Variants in SMAP2 observed in about 807,000 individuals in gnomAD.
SMAP2 encodes stromal membrane-associated protein 2.
SMAP2 carries 25 observed loss-of-function variants against 56.4 expected under a neutral mutation model. The observed-to-expected ratio is 0.44, with a 90% confidence interval of 0.32 to 0.62. SMAP2 has a LOEUF of 0.62. SMAP2 is among the 20% of genes least tolerant of loss of function. The probability of loss-of-function intolerance (pLI) is 0.04; values close to 1 mark genes in which losing one functional copy is unlikely to be tolerated. For synonymous variants in SMAP2, 157 were observed against 181.7 expected (o/e 0.86, Z 1.09); for missense variants, 388 against 545.6 (o/e 0.71, Z 2.88).
At chr1:40,402,386 T>C (rs1331060302) in intron 1 of SMAP2, among the ~76,000 whole-genome samples, 1 of 152,234 alleles carries the variant, frequency 6.6e-6, no homozygotes, top group Admixed American at 6.5e-5. Context: ...GGTAGATTAT[T>C]ATTTACTATA....
intron 1 of SMAP2, among the ~76,000 whole-genome samples, chr1:40,346,299 C>A (rs1223652190): frequency 6.6e-6 from 1 of 151,928 alleles, no homozygotes; most frequent in East Asian, 1.9e-4. Flanking sequence ...AAAGTTACTA[C>A]ACATAATGCA....
intron 1 of SMAP2, among the ~76,000 whole-genome samples, chr1:40,400,266 A>G (rs1361040394): frequency 6.6e-6 from 1 of 152,246 alleles, no homozygotes; most frequent in South Asian, 2.1e-4. Flanking sequence ...GGAAGGAGGC[A>G]TGGGCTAGAC....
At chr1:40,387,113 G>A (rs944348980) in intron 1 of SMAP2, among the ~76,000 whole-genome samples, 3 of 152,040 alleles carry the variant, frequency 2.0e-5, no homozygotes, top group African/African-American at 4.8e-5. Flanking sequence ...TCGGCCTGCC[G>A]GAGTGCCAGG....
At position 40,386,165 on chromosome 1, in the gene SMAP2, A is replaced by G. The variant is rs1644651812; in HGVS notation, c.103+11942A>G. On this transcript the variant is annotated intron_variant, in intron 1 of 9. Transcript: ENST00000372718. The surrounding 1 kb of genome is among the most constrained non-coding windows in gnomAD (Gnocchi z 4.1). Reference sequence around the variant, plus strand: ...GTTCTTACCATGATGCTTTTGTTCAAAATAGCTGAAAACAGCAGAGCTGAC... The same window carrying G: ...GTTCTTACCATGATGCTTTTGTTCAGAATAGCTGAAAACAGCAGAGCTGAC... Among the ~76,000 whole-genome samples, 1 of 152,232 alleles carries G rather than the reference A, an allele frequency of 6.6e-6. No homozygotes were observed. The highest frequency in any genetic ancestry group is 1.5e-5 in the Non-Finnish European group (1 of 68,044).
chr1:40,375,000 G>GC lies in SMAP2; in HGVS notation c.103+778dup. 1.0e-6 allele frequency: 1 copy of GC among 985,370 alleles called. No individual in the cohort carries two copies. Among genetic ancestry groups the GC allele is most frequent in the Non-Finnish European group, 1.2e-6 (1 of 829,922 alleles). 61.0% of individuals were successfully genotyped at this position (985,370 alleles called of 1,614,324 possible). On this transcript the variant is annotated intron_variant, in intron 1 of 9. Transcript: ENST00000372718. The surrounding 1 kb of genome is among the most constrained non-coding windows in gnomAD (Gnocchi z 5.9). ...ATTCGATGAATTCATTGCTTCCATG[G>GC]CGATTACACTTCTAAAGGTGAAATA... is the stretch of plus-strand genomic sequence containing the variant.
Position 40,389,059 on chromosome 1 carries a change from G to A in SMAP2, c.103+14836G>A, listed in dbSNP as rs539797490. 3.3e-5 allele frequency among the ~76,000 whole-genome samples: 5 copies of A among 152,138 alleles called. No homozygotes were observed. The East Asian group carries it at 5.8e-4, about 18-fold the overall frequency. On this transcript the variant is annotated intron_variant, in intron 1 of 9. Transcript: ENST00000372718. Reference sequence around the variant, plus strand: ...CCGAACATCAGAAGGAACAAACTCCGGACACGCCGCCTTTAAGAACTGTAA... The same window carrying A: ...CCGAACATCAGAAGGAACAAACTCCAGACACGCCGCCTTTAAGAACTGTAA...
At position 40,408,725 on chromosome 1, in the gene SMAP2, C is replaced by T; in HGVS notation, c.310C>T (p.Pro104Ser). The part of the protein sequence containing the change: ...EAYLPETFRR[P>S]QIDPAVEGFI... ...CTATCTTCCTGAGACCTTTCGGCGA[C>T]CTCAGATAGACCCGTATCTTTTCTG... is the stretch of plus-strand genomic sequence containing the variant. The change falls in exon 3 of 10, where the codon CCT (proline) becomes TCT (serine). Residue 104 changes from proline (P) to serine (S), a missense_variant. By Grantham distance (74) the Pro-to-Ser change is moderately conservative (BLOSUM62 -1). Coordinates refer to ENST00000372718, the MANE Select transcript of SMAP2 (RefSeq NM_022733.3). This position sits in a 1 kb window ranked among gnomAD's most constrained non-coding sequence, Gnocchi z 4.3. 6.2e-7 allele frequency: 1 copy of T among 1,613,796 alleles called. No individual in the cohort carries two copies. The highest frequency in any genetic ancestry group is 8.5e-7 in the Non-Finnish European group (1 of 1,179,770).
At chr1:40,415,933 T>A (rs1026532115) in intron 7 of SMAP2, among the ~76,000 whole-genome samples, 1 of 152,158 alleles carries the variant, frequency 6.6e-6, no homozygotes, top group South Asian at 2.1e-4. Context: ...GCTGCATCAT[T>A]TGTGGGTTGT....
At chr1:40,370,893 G>A (rs1644493529), upstream of SMAP2, among the ~76,000 whole-genome samples, 1 of 151,734 alleles carries the variant, frequency 6.6e-6, no homozygotes, top group Non-Finnish European at 1.5e-5. Context: ...TTCTATAACT[G>A]GCCAGGCGCG....
Position 40,349,870 on chromosome 1 carries a change from T to C in SMAP2, c.-83+4960T>C, listed in dbSNP as rs980753409. Among the ~76,000 whole-genome samples the C allele has an allele frequency of 3.9e-5, 6 of 152,288 alleles. No individual in the cohort carries two copies. In the East Asian group the frequency reaches 1.2e-3, roughly 29 times the overall value. On this transcript the variant is annotated intron_variant, in intron 1 of 6. Coordinates refer to the SMAP2 transcript ENST00000435168. ...GCATCAGTGTTCCATTCCTTCTAAG[T>C]TGACTTGCAGAAGCACCTTGTCCAA...
chr1:40,378,955 G>A (rs1021347946), intron 1 of SMAP2, among the ~76,000 whole-genome samples: 1 of 150,524 alleles, frequency 6.6e-6, no homozygotes, highest in Non-Finnish European at 1.5e-5. Context: ...AGTAACAATT[G>A]TTGGCAATTT....
At chr1:40,345,866 T>TTG (rs1404343884) in intron 1 of SMAP2, among the ~76,000 whole-genome samples, 14 of 135,718 alleles carry the variant, frequency 1.0e-4, no homozygotes, top group African/African-American at 3.8e-4. Flanking sequence ...TTATATTATA[T>TTG]TATATTGTAT....
In SMAP2 at chr1:40,385,012, C is replaced by T. The variant is rs1020281609; in HGVS notation, c.103+10789C>T. ...GTTTCCCCACAGGCTTTGTGAATGC[C>T]GGTCCACTGATGGCTGAACTGCAGG... is the stretch of plus-strand genomic sequence containing the variant. On this transcript the variant is annotated intron_variant, in intron 1 of 9. Coordinates refer to ENST00000372718, the MANE Select transcript of SMAP2 (RefSeq NM_022733.3). This position sits in a 1 kb window ranked among gnomAD's most constrained non-coding sequence, Gnocchi z 4.5. Among the ~76,000 whole-genome samples, 20 of 152,230 alleles carry T rather than the reference C, an allele frequency of 1.3e-4. No homozygotes were observed. Among genetic ancestry groups the T allele is most frequent in the Admixed American group, 5.2e-4 (8 of 15,274 alleles).
chr1:40,392,566 A>G (rs573221994), intron 1 of SMAP2, among the ~76,000 whole-genome samples: 72 of 152,278 alleles, frequency 4.7e-4, no homozygotes, highest in African/African-American at 1.7e-3. Flanking sequence ...CAGAGAAGCC[A>G]TGTCTCATCC....
intron 5 of SMAP2, among the ~76,000 whole-genome samples, chr1:40,413,751 C>G (rs1414765818): frequency 6.6e-6 from 1 of 152,174 alleles, no homozygotes; most frequent in Non-Finnish European, 1.5e-5. Context: ...AACCAACCTC[C>G]CTTTTGGTGT....
At chr1:40,384,733 C>T (rs1644636740) in intron 1 of SMAP2, among the ~76,000 whole-genome samples, 1 of 152,044 alleles carries the variant, frequency 6.6e-6, no homozygotes, top group African/African-American at 2.4e-5. Flanking sequence ...TTCTTTTCTC[C>T]AAAAAACTCA....
At chr1:40,389,067 C>T (rs1011772058) in intron 1 of SMAP2, among the ~76,000 whole-genome samples, 11 of 152,284 alleles carry the variant, frequency 7.2e-5, no homozygotes, top group African/African-American at 2.2e-4. Flanking sequence ...CCGGACACGC[C>T]GCCTTTAAGA....
rs1644890411 is a variant in SMAP2 at position 40,406,843 on chromosome 1, G to A, written c.211G>A (p.Asp71Asn). ...ATCCAGGGTAAAGTCAGTTAACCTC[G>A]ACCAGTGGACTCAAGAACAGATTCA... is the stretch of plus-strand genomic sequence containing the variant. Reference protein sequence around the residue: ...HISRVKSVNLDQWTQEQIQCM... With the variant: ...HISRVKSVNLNQWTQEQIQCM... Residue 71 changes from aspartate to asparagine, a missense_variant, in exon 2 of 10, where the codon GAC becomes AAC. By Grantham distance (23) the Asp-to-Asn change is conservative. Coordinates refer to ENST00000372718, the MANE Select transcript of SMAP2 (RefSeq NM_022733.3). 2 of 1,613,900 alleles carry A rather than the reference G, an allele frequency of 1.2e-6. No homozygotes were observed. Among genetic ancestry groups the A allele is most frequent in the Non-Finnish European group, 1.7e-6 (2 of 1,179,864 alleles).
intron 1 of SMAP2, among the ~76,000 whole-genome samples, chr1:40,384,632 C>T (rs1644635571): frequency 6.6e-6 from 1 of 152,198 alleles, no homozygotes; most frequent in South Asian, 2.1e-4. Context: ...TGCTTTTAGG[C>T]TGTTACTTCC....
Sources: gnomAD v4.1 joint callset for allele counts (sites outside exome capture counted in the v4.1 genomes callset) on GRCh38, gnomAD v4.1.1 for gene constraint, Gnocchi (gnomAD v3.1) non-coding constraint, MANE v1.5 for transcripts, NCBI Gene and HGNC (gene_info 2026-07-23, HGNC 2026-07-21) for gene names.